PRAG1: variants seen among roughly 807,000 people sequenced by gnomAD.
PRAG1 encodes the protein inactive tyrosine-protein kinase PRAG1.
In PRAG1, 110 loss-of-function variants were observed where a neutral mutation model predicts 95.6. That is an observed-to-expected ratio of 1.15 (90% confidence interval 0.99 to 1.35). The LOEUF is 1.35. PRAG1 is among the 40% of genes most tolerant of loss of function. PRAG1 has a pLI of 0.00. For synonymous variants in PRAG1, 1,052 were observed against 819.4 expected, an observed-to-expected ratio of 1.28 and a Z score of -4.85; for missense variants, 2,554 against 1,864.7, an observed-to-expected ratio of 1.37 and a Z score of -6.81.
rs369967222 is a variant in PRAG1 at position 8,328,423 on chromosome 8, C to T, written c.2359G>A (p.Gly787Arg). The change falls in exon 5 of 6, where the codon GGG (glycine) becomes AGG (arginine). Residue 787 changes from glycine (G) to arginine (R), a missense_variant. Gly to Arg is a moderately radical substitution (Grantham distance 125). Transcript: ENST00000615670. Reference sequence around the variant, plus strand: ...GGAACGGGAGCAAAGAGCTTCTTCCCGCTGTTGGTGGGCGAGTGAGCCAGC... The same window carrying T: ...GGAACGGGAGCAAAGAGCTTCTTCCTGCTGTTGGTGGGCGAGTGAGCCAGC... Reference protein sequence around the residue: ...SELAHSPTNSGKKLFAPVPFP... With the variant: ...SELAHSPTNSRKKLFAPVPFP... The T allele has an allele frequency of 1.1e-5, 17 of 1,613,666 alleles. No individual in the cohort carries two copies. The highest frequency in any genetic ancestry group is 6.7e-5 in the East Asian group (3 of 44,874).
rs901166440 is a variant in PRAG1, at chr8:8,318,014, C to T, written c.*140G>A. On this transcript the variant is annotated 3_prime_UTR_variant, in exon 6 of 6. Coordinates refer to ENST00000615670, the MANE Select transcript of PRAG1 (RefSeq NM_001080826.3). This position sits in a 1 kb window ranked among gnomAD's most constrained non-coding sequence, Gnocchi z 4.2. ...TATTTATATATGGTATATGTATTTT[C>T]TATATATATATTTATATATTTTACA... The T allele has an allele frequency of 4.9e-6, 3 of 612,220 alleles. No individual in the cohort carries two copies. The highest frequency in any genetic ancestry group is 7.4e-6 in the Non-Finnish European group (3 of 407,704). 37.9% of individuals were successfully genotyped at this position (612,220 alleles called of 1,614,324 possible).
chr8:8,369,501 G>A (rs1039335797), intron 3 of PRAG1, among the ~76,000 whole-genome samples: 3 of 152,164 alleles, frequency 2.0e-5, no homozygotes, highest in Non-Finnish European at 4.4e-5. Flanking sequence ...CACCTGTTAT[G>A]TGCAAAGCAA....
chr8:8,325,238 C>T (rs138091323), intron 5 of PRAG1, among the ~76,000 whole-genome samples: 2,063 of 152,334 alleles, frequency 0.014, 127 homozygotes, highest in Admixed American at 0.1. Flanking sequence ...GCCCGCCCCC[C>T]CAATGACCAG....
rs919056529 is a variant in PRAG1, at chr8:8,373,623, T to C, written c.2162+2624A>G. 3.9e-5 allele frequency among the ~76,000 whole-genome samples: 6 copies of C among 152,038 alleles called. No homozygotes were observed. The East Asian group carries it at 1.2e-3, about 29-fold the overall frequency. On this transcript the variant is annotated intron_variant, in intron 3 of 5. Coordinates refer to ENST00000615670, the MANE Select transcript of PRAG1 (RefSeq NM_001080826.3). ...TGCCACCATCCCTGGCTGATTTTCA[T>C]ATCTTTTTTGGTGGAGACTGGGTTT...
intron 2 of PRAG1, among the ~76,000 whole-genome samples, chr8:8,380,276 A>T (rs550882400): frequency 2.4e-4 from 36 of 152,118 alleles, no homozygotes; most frequent in South Asian, 1.0e-3. Context: ...GTCTCAAAAA[A>T]AAATAAATAA....
intron 3 of PRAG1, among the ~76,000 whole-genome samples, chr8:8,371,628 G>A (rs1459177833): frequency 6.6e-6 from 1 of 152,138 alleles, no homozygotes; most frequent in Admixed American, 6.5e-5. Flanking sequence ...CCAACACTTT[G>A]GGAGGCTGAG....
intron 1 of PRAG1, among the ~76,000 whole-genome samples, chr8:8,382,799 C>A (rs539895861): frequency 6.6e-6 from 1 of 152,118 alleles, no homozygotes; most frequent in Non-Finnish European, 1.5e-5. Flanking sequence ...TAGCTGTTGT[C>A]CCAATTTTAC....
intron 3 of PRAG1, among the ~76,000 whole-genome samples, chr8:8,358,970 C>T (rs968227606): frequency 2.0e-5 from 3 of 152,154 alleles, no homozygotes; most frequent in Admixed American, 6.5e-5. Context: ...CTGGGACATG[C>T]CTGAGCAAGC....
Position 8,376,589 on chromosome 8 carries a change from C to A in PRAG1, c.1820G>T (p.Ser607Ile). 1 of 1,605,294 alleles carries A rather than the reference C, an allele frequency of 6.2e-7. No homozygotes were observed. Among genetic ancestry groups the A allele is most frequent in the Non-Finnish European group, 8.5e-7 (1 of 1,174,698 alleles). ...AGGCTGGGGACACCTGGATGGGTCA[C>A]TGATAGCGACACCGTTGGTCCGGCA... is the stretch of plus-strand genomic sequence containing the variant. The part of the protein sequence containing the change: ...PSCRTNGVAI[S>I]DPSRCPQPAA... Residue 607 changes from serine to isoleucine, a missense_variant, in exon 3 of 6, where the codon AGT becomes ATT. Transcript: ENST00000615670.
intron 5 of PRAG1, among the ~76,000 whole-genome samples, chr8:8,325,158 T>G (rs926190647): frequency 6.6e-6 from 1 of 152,188 alleles, no homozygotes; most frequent in Non-Finnish European, 1.5e-5. Context: ...ATGACTGTAT[T>G]TCGTCTAGAC....
intron 3 of PRAG1, among the ~76,000 whole-genome samples, chr8:8,367,125 A>G (rs953997882): frequency 4.6e-5 from 7 of 152,130 alleles, no homozygotes; most frequent in African/African-American, 1.7e-4. Flanking sequence ...GCTCCAAATG[A>G]TCAGAATTGG....
intron 3 of PRAG1, among the ~76,000 whole-genome samples, chr8:8,350,970 C>G (rs539342483): frequency 6.6e-6 from 1 of 151,878 alleles, no homozygotes; most frequent in Admixed American, 6.6e-5. Context: ...ATGAATAGAT[C>G]AATGGATGGA....
chr8:8,328,181 GC>G lies in PRAG1; in HGVS notation c.2600del (p.Ser867ThrfsTer57). 1 of 1,614,234 alleles carries G rather than the reference GC, an allele frequency of 6.2e-7. No individual in the cohort carries two copies. Among genetic ancestry groups the G allele is most frequent in the Non-Finnish European group, 8.5e-7 (1 of 1,180,046 alleles). ...HDESHFSYSL[S>X]PGNRHHPVFS... The stretch of plus-strand genomic sequence containing the variant: ...AGACAGGATGGTGGCGGTTCCCGGG[GC>G]TCAACGAATAGCTAAAGTGAGATTC... On this transcript the variant is annotated frameshift_variant, in exon 5 of 6. Coordinates refer to ENST00000615670, the MANE Select transcript of PRAG1 (RefSeq NM_001080826.3). LOFTEE classifies it high-confidence loss of function.
At chr8:8,385,639 T>C (rs900607886) in intron 1 of PRAG1, among the ~76,000 whole-genome samples, 1 of 152,238 alleles carries the variant, frequency 6.6e-6, no homozygotes, top group African/African-American at 2.4e-5. Context: ...CAAAACCATG[T>C]GCAGGGAGAG....
At chr8:8,374,400 G>T (rs747958345) in intron 3 of PRAG1, among the ~76,000 whole-genome samples, 1 of 152,144 alleles carries the variant, frequency 6.6e-6, no homozygotes, top group Non-Finnish European at 1.5e-5. Flanking sequence ...TTACTCTCAC[G>T]CCCTGCTCAA....
chr8:8,375,132 T>C (rs948219768), intron 3 of PRAG1, among the ~76,000 whole-genome samples: 5 of 151,662 alleles, frequency 3.3e-5, no homozygotes, highest in African/African-American at 9.7e-5. Context: ...TTTAAACTGA[T>C]AGGAGATAGC....
rs1388862428 is a variant in PRAG1 at position 8,381,637 on chromosome 8, C to T, written c.111G>A (p.Arg37=). The T allele has an allele frequency of 1.2e-6, 2 of 1,613,902 alleles. No homozygotes were observed. The highest frequency in any genetic ancestry group is 1.7e-6 in the Non-Finnish European group (2 of 1,179,866). Reference sequence around the variant, plus strand: ...GGCCGGCCACCAGCTGGTGGTCGCTCCGCAGGCAGAAGCAGTTCTTGCAGG... The same window carrying T: ...GGCCGGCCACCAGCTGGTGGTCGCTTCGCAGGCAGAAGCAGTTCTTGCAGG... The part of the protein sequence containing the change: ...PGSCKNCFCL[R]SDHQLVAGPP... Residue 37 remains arginine, a synonymous_variant, in exon 2 of 6, where the codon CGG becomes CGA. Transcript: ENST00000615670.
intron 4 of PRAG1, among the ~76,000 whole-genome samples, chr8:8,338,683 G>C (rs1400572748): frequency 6.6e-6 from 1 of 152,222 alleles, no homozygotes; most frequent in Non-Finnish European, 1.5e-5. Context: ...TGTTTAGGTA[G>C]AATAATGTTG....
intron 5 of PRAG1, among the ~76,000 whole-genome samples, chr8:8,323,328 T>TC: frequency 6.6e-6 from 1 of 151,370 alleles, no homozygotes; most frequent in South Asian, 2.1e-4. Context: ...TCCCTTTTTT[T>TC]TTTTTTTTGA....
Sources: gnomAD v4.1 joint callset for allele counts (sites outside exome capture counted in the v4.1 genomes callset) on GRCh38, gnomAD v4.1.1 for gene constraint, Gnocchi (gnomAD v3.1) non-coding constraint, MANE v1.5 for transcripts, NCBI Gene and HGNC (gene_info 2026-07-23, HGNC 2026-07-21) for gene names.